The following PCDHGA10 variants were observed in gnomAD, a reference collection of about 807,000 sequenced individuals.
PCDHGA10 encodes the protein protocadherin gamma-A10.
Under a neutral mutation model 59.5 loss-of-function variants are expected in PCDHGA10, and 42 were observed. The ratio of observed to expected loss-of-function variants is 0.71; its 90% CI spans 0.55 to 0.91. The LOEUF is 0.91. Among genes scored for constraint, PCDHGA10 ranks in the 40% least tolerant of loss-of-function variants. The probability of loss-of-function intolerance (pLI) is 0.00; values close to 1 mark genes in which losing one functional copy is unlikely to be tolerated. For synonymous variants in PCDHGA10, 511 were observed against 517.2 expected (o/e 0.99, Z 0.16); for missense variants, 1,111 against 1,198.2 (o/e 0.93, Z 1.07).
chr5:141,432,793 C>T lies in PCDHGA10; in HGVS notation c.2436+17182C>T. 6.2e-7 allele frequency: 1 copy of T among 1,614,150 alleles called. No individual in the cohort carries two copies. Among genetic ancestry groups the T allele is most frequent in the Admixed American group, 1.7e-5 (1 of 60,032 alleles). ...AAGTCCTGGCGGACCTCGGCAGCCT[C>T]GAGTCTCCAGCTAACTCTGAAACCT... On this transcript the variant is annotated intron_variant, in intron 1 of 3. Transcript: ENST00000398610. The surrounding 1 kb of genome is among the most constrained non-coding windows in gnomAD (Gnocchi z 6.0).
intron 1 of PCDHGA10, among the ~76,000 whole-genome samples, chr5:141,449,290 G>A (rs1255760925): frequency 1.3e-5 from 2 of 151,934 alleles, no homozygotes; most frequent in Admixed American, 6.6e-5. Context: ...CGGATGCACC[G>A]GGTGAATTAT....
intron 1 of PCDHGA10, among the ~76,000 whole-genome samples, chr5:141,473,757 T>C (rs993403397): frequency 6.6e-6 from 1 of 152,240 alleles, no homozygotes; most frequent in Non-Finnish European, 1.5e-5. Context: ...TTGGATACTA[T>C]GCAAAGGATT....
intron 1 of PCDHGA10, among the ~76,000 whole-genome samples, chr5:141,467,954 C>T (rs1467826790): frequency 1.3e-5 from 2 of 152,070 alleles, no homozygotes; most frequent in Admixed American, 6.6e-5. Flanking sequence ...CCACCACACC[C>T]GGCTGCCAGA....
At chr5:141,481,607 C>A (rs2099540195) in intron 1 of PCDHGA10, among the ~76,000 whole-genome samples, 1 of 152,158 alleles carries the variant, frequency 6.6e-6, no homozygotes, top group Admixed American at 6.5e-5. Flanking sequence ...CACCTGAGGC[C>A]AGGAGTTCAA....
At chr5:141,505,015 A>G (rs965107997) in intron 2 of PCDHGA10, among the ~76,000 whole-genome samples, 1 of 152,160 alleles carries the variant, frequency 6.6e-6, no homozygotes, top group Admixed American at 6.5e-5. Flanking sequence ...TACAAAAATT[A>G]GCCTGGCACA....
chr5:141,423,551 A>T, intron 1 of PCDHGA10: 2 of 1,613,616 alleles, frequency 1.2e-6, no homozygotes, highest in Non-Finnish European at 1.7e-6. Context: ...CCCCAGCCCA[A>T]CTATGGGGAC....
At position 141,415,404 on chromosome 5, in the gene PCDHGA10, C is replaced by T; in HGVS notation, c.2229C>T (p.His743=). The T allele has an allele frequency of 6.2e-7, 1 of 1,614,238 alleles. No homozygotes were observed. The highest frequency in any genetic ancestry group is 8.5e-7 in the Non-Finnish European group (1 of 1,180,048). ...GGGLTGVSGS[H]FVGVDGVRAF... is the part of the protein sequence containing the mutation. Reference sequence around the variant, plus strand: ...GCTTGACAGGTGTGTCCGGCTCGCACTTTGTGGGCGTGGACGGGGTTCGGG... The same window carrying T: ...GCTTGACAGGTGTGTCCGGCTCGCATTTTGTGGGCGTGGACGGGGTTCGGG... Residue 743 remains histidine, a synonymous_variant, in exon 1 of 4, where the codon CAC becomes CAT. Transcript: ENST00000398610.
chr5:141,464,419 A>G (rs2099083824), intron 1 of PCDHGA10, among the ~76,000 whole-genome samples: 1 of 151,768 alleles, frequency 6.6e-6, no homozygotes, highest in South Asian at 2.1e-4. Context: ...ATATATCTAT[A>G]TATATAGATA....
intron 1 of PCDHGA10, among the ~76,000 whole-genome samples, chr5:141,482,488 G>C (rs1401943298): frequency 7.7e-6 from 1 of 130,410 alleles, no homozygotes; most frequent in African/African-American, 3.1e-5. Context: ...ACAATTAAAA[G>C]TTATCATTCT....
At position 141,420,090 on chromosome 5, in the gene PCDHGA10, G is replaced by A. The variant is rs779478924; in HGVS notation, c.2436+4479G>A. 4.2e-5 allele frequency: 68 copies of A among 1,613,932 alleles called. No individual in the cohort carries two copies. Among genetic ancestry groups the A allele is most frequent in the Non-Finnish European group, 5.7e-5 (67 of 1,179,886 alleles). On this transcript the variant is annotated intron_variant, in intron 1 of 3. Coordinates refer to ENST00000398610, the MANE Select transcript of PCDHGA10 (RefSeq NM_018913.3). ...GGACCTGTGGGTCCCCCCAACTACA[G>A]TGAGGGAACGTTGCCCTATGCCTAT...
Position 141,413,400 on chromosome 5 carries a change from G to C in PCDHGA10, c.225G>C (p.Arg75Ser). 1 of 1,614,060 alleles carries C rather than the reference G, an allele frequency of 6.2e-7. No individual in the cohort carries two copies. The highest frequency in any genetic ancestry group is 8.5e-7 in the Non-Finnish European group (1 of 1,179,926). ...GAGTCCGCATAGTCTCCAGAGGTAG[G>C]ACGCAGCTTTTCTCTCTGAACCCGC... ...ERGVRIVSRGRTQLFSLNPRS... is the reference protein window; with the variant it reads ...ERGVRIVSRGSTQLFSLNPRS... The change falls in exon 1 of 4, where the codon AGG becomes AGC. Residue 75 changes from arginine (R) to serine (S), a missense_variant. Transcript: ENST00000398610.
chr5:141,451,428 G>T (rs552096051), intron 1 of PCDHGA10, among the ~76,000 whole-genome samples: 17 of 152,166 alleles, frequency 1.1e-4, no homozygotes, highest in Non-Finnish European at 2.1e-4. Context: ...TTAGACTAAG[G>T]GTTCCAGTTC....
At chr5:141,492,189 G>A (rs2099737936) in intron 1 of PCDHGA10, among the ~76,000 whole-genome samples, 1 of 152,204 alleles carries the variant, frequency 6.6e-6, no homozygotes, top group East Asian at 1.9e-4. Flanking sequence ...GCACCTGTCT[G>A]CGGGACTTAG....
rs373421472 is a variant in PCDHGA10, at chr5:141,472,201, A to G, written c.2437-22606A>G. ...GTATTGGAATTTGAATCTTTTTGAC[A>G]CTAAGACCTTACTCTCGATCATATA... is the stretch of plus-strand genomic sequence containing the variant. On this transcript the variant is annotated intron_variant, in intron 1 of 3. Coordinates refer to ENST00000398610, the MANE Select transcript of PCDHGA10 (RefSeq NM_018913.3). Among the ~76,000 whole-genome samples the G allele has an allele frequency of 5.6e-4, 86 of 152,320 alleles. 2 individuals are homozygous for G. The South Asian group carries it at 0.017, about 30-fold the overall frequency.
chr5:141,491,233 G>T lies in PCDHGA10; in HGVS notation c.2437-3574G>T. 1 of 1,614,224 alleles carries T rather than the reference G, an allele frequency of 6.2e-7. No homozygotes were observed. The highest frequency in any genetic ancestry group is 2.2e-5 in the East Asian group (1 of 44,890). On this transcript the variant is annotated intron_variant, in intron 1 of 3. Transcript: ENST00000398610. The surrounding 1 kb of genome is among the most constrained non-coding windows in gnomAD (Gnocchi z 6.9). ...CTCCTCCACAGCCACAGTGCTGCTG[G>T]TTCTGGAGGATGAGGACCCTGAGGA...
chr5:141,511,304 CTTGGGAAA>C lies in PCDHGA10; in HGVS notation c.*132_*139del. ...TGGTAGGGGCCAAGGCCATGCTCCC[CTTGGGAAA>C]CAGAAACAAGTGCCCAGTCAGCACC... is the stretch of plus-strand genomic sequence containing the variant. On this transcript the variant is annotated 3_prime_UTR_variant, in exon 4 of 4. Transcript: ENST00000398610. The C allele has an allele frequency of 2.0e-6, 3 of 1,490,438 alleles. No individual in the cohort carries two copies. The South Asian group carries it at 4.0e-5, about 20-fold the overall frequency. 92.3% of individuals were successfully genotyped at this position (1,490,438 alleles called of 1,614,324 possible). A position where few individuals can be genotyped will look rare whatever the true frequency, so the allele number is the denominator to read the frequency against.
chr5:141,430,337 C>G (rs531455580), intron 1 of PCDHGA10, among the ~76,000 whole-genome samples: 1 of 150,908 alleles, frequency 6.6e-6, no homozygotes, highest in East Asian at 2.0e-4. Context: ...TTTATAGAAA[C>G]TTCCAATTCA....
At chr5:141,418,894 A>G (rs200182481) in intron 1 of PCDHGA10, 2 of 1,614,004 alleles carry the variant, frequency 1.2e-6, no homozygotes, top group East Asian at 4.5e-5. Context: ...ACAACAGCCC[A>G]GAAATAATCA....
intron 1 of PCDHGA10, chr5:141,471,645 T>G (rs891817778): frequency 1.3e-5 from 2 of 152,178 alleles, no homozygotes; most frequent in Non-Finnish European, 2.9e-5. Context: ...AGTAATATAC[T>G]GGATGTGGGG....
Sources: allele counts gnomAD v4.1 joint callset (sites outside exome capture counted in the v4.1 genomes callset), GRCh38; gene constraint gnomAD v4.1.1; non-coding constraint Gnocchi (gnomAD v3.1); transcripts MANE v1.5; gene names NCBI Gene and HGNC (gene_info 2026-07-23, HGNC 2026-07-21).